The following NOL4 variants were observed in gnomAD, a reference collection of about 807,000 sequenced individuals.
NOL4 encodes cancer/testis antigen 125.
Under a neutral mutation model 75.9 loss-of-function variants are expected in NOL4, and 17 were observed. The observed-to-expected ratio is 0.22, with a 90% CI of 0.15 to 0.34. The LOEUF is 0.34. Among genes scored for constraint, NOL4 ranks in the 10% least tolerant of loss-of-function variants. NOL4 has a pLI of 1.00. For synonymous variants in NOL4, 292 were observed against 289.9 expected (o/e 1.01, Z -0.07); for missense variants, 614 against 793.5 (o/e 0.77, Z 2.72).
At chr18:34,172,275 C>T (rs1274505549) in intron 1 of NOL4, among the ~76,000 whole-genome samples, 3 of 152,012 alleles carry the variant, frequency 2.0e-5, no homozygotes, top group African/African-American at 4.8e-5. Context: ...AATCTTTTGA[C>T]TAATATAACT....
chr18:34,051,040 T>C (rs1326609331), intron 5 of NOL4, among the ~76,000 whole-genome samples: 2 of 152,030 alleles, frequency 1.3e-5, no homozygotes, highest in African/African-American at 4.8e-5. Flanking sequence ...ATGGACATAA[T>C]AAGAGTATCT....
In NOL4 at chr18:34,012,982, AC is replaced by A. The variant is rs542723373; in HGVS notation, c.1056+6335del. On this transcript the variant is annotated intron_variant, in intron 6 of 10. Transcript: ENST00000261592. The stretch of plus-strand genomic sequence containing the variant: ...CAGAGGCAGGTGACCTGGGTTAAAT[AC>A]CAGGCTTTATCACTTATCTGATTGT... Among the ~76,000 whole-genome samples, 22 of 152,074 alleles carry A rather than the reference AC, an allele frequency of 1.4e-4. 1 individual carries two copies. In the South Asian group the frequency reaches 3.3e-3, roughly 23 times the overall value.
chr18:33,871,579 C>T (rs908866323), intron 10 of NOL4, among the ~76,000 whole-genome samples: 5 of 151,924 alleles, frequency 3.3e-5, no homozygotes, highest in South Asian at 2.1e-4. Flanking sequence ...CCAAGCCAAC[C>T]GTAATGAGCC....
At chr18:33,866,414 T>C (rs2063431207) in intron 10 of NOL4, among the ~76,000 whole-genome samples, 1 of 152,170 alleles carries the variant, frequency 6.6e-6, no homozygotes, top group South Asian at 2.1e-4. Context: ...ACAGAAAAAT[T>C]GCTGTTGAAC....
intron 1 of NOL4, chr18:34,222,169 T>C (rs942170099): frequency 5.4e-6 from 8 of 1,492,060 alleles, no homozygotes; most frequent in Non-Finnish European, 7.1e-6. Context: ...CATTGGGCTC[T>C]CAATGCCAGT....
intron 6 of NOL4, among the ~76,000 whole-genome samples, chr18:34,000,881 A>C (rs1396191457): frequency 6.6e-6 from 1 of 152,152 alleles, no homozygotes; most frequent in Non-Finnish European, 1.5e-5. Context: ...TATAACAAAG[A>C]AGTTATTAAC....
chr18:33,861,947 A>G (rs997291050), intron 10 of NOL4, among the ~76,000 whole-genome samples: 1 of 152,302 alleles, frequency 6.6e-6, no homozygotes, highest in African/African-American at 2.4e-5. Flanking sequence ...ACCAAAAAAG[A>G]GCCCACATCG....
intron 1 of NOL4, among the ~76,000 whole-genome samples, chr18:34,203,269 G>A (rs1455668451): frequency 6.6e-6 from 1 of 151,980 alleles, no homozygotes; most frequent in Non-Finnish European, 1.5e-5. Flanking sequence ...AGGAACAGGG[G>A]TCATGGCAGG....
chr18:33,868,900 A>C (rs970706724), intron 10 of NOL4, among the ~76,000 whole-genome samples: 9 of 152,050 alleles, frequency 5.9e-5, no homozygotes, highest in African/African-American at 2.4e-5. Context: ...TATTATAAAA[A>C]TCCAATACAA....
chr18:34,194,426 G>GGGAAGGCAGGAA (rs1555754887), intron 1 of NOL4, among the ~76,000 whole-genome samples: 1 of 127,996 alleles, frequency 7.8e-6, no homozygotes, highest in Non-Finnish European at 1.6e-5. Flanking sequence ...GAGGGAGGGA[G>GGGAAGGCAGGAA]GGAAGGAAGG....
chr18:34,148,225 C>G (rs1039020091), intron 1 of NOL4, among the ~76,000 whole-genome samples: 1 of 152,034 alleles, frequency 6.6e-6, no homozygotes, highest in Non-Finnish European at 1.5e-5. Flanking sequence ...CAGTTCTGCT[C>G]TGATCTTTGT....
intron 1 of NOL4, among the ~76,000 whole-genome samples, chr18:34,162,259 G>C (rs904800110): frequency 6.6e-6 from 1 of 152,082 alleles, no homozygotes; most frequent in Non-Finnish European, 1.5e-5. Context: ...GAAGGAAATA[G>C]AGACACAAAA....
intron 5 of NOL4, among the ~76,000 whole-genome samples, chr18:34,044,192 C>CA (rs1348837527): frequency 6.6e-6 from 1 of 151,922 alleles, no homozygotes; most frequent in East Asian, 1.9e-4. Context: ...AAGTACCAAA[C>CA]AACTGTTAAT....
intron 9 of NOL4, among the ~76,000 whole-genome samples, chr18:33,932,615 T>C (rs543737597): frequency 6.6e-6 from 1 of 152,224 alleles, no homozygotes; most frequent in East Asian, 1.9e-4. Context: ...AATGAGGTGG[T>C]GGAATTACTA....
chr18:33,853,567 G>A (rs2062712487), intron 10 of NOL4, among the ~76,000 whole-genome samples: 1 of 152,014 alleles, frequency 6.6e-6, no homozygotes, highest in African/African-American at 2.4e-5. Flanking sequence ...CGTTTAAGTG[G>A]CACAACCAGG....
intron 6 of NOL4, among the ~76,000 whole-genome samples, chr18:33,991,503 T>C (rs2072913616): frequency 6.6e-6 from 1 of 152,050 alleles, no homozygotes; most frequent in South Asian, 2.1e-4. Flanking sequence ...TCCTATCTTA[T>C]TATTTTTACA....
chr18:33,890,188 G>C (rs1403114459), intron 9 of NOL4, among the ~76,000 whole-genome samples: 1 of 152,144 alleles, frequency 6.6e-6, no homozygotes, highest in Non-Finnish European at 1.5e-5. Context: ...CTTCAGCAAA[G>C]TCTCAGATAC....
chr18:33,917,941 T>G (rs989292682), intron 9 of NOL4, among the ~76,000 whole-genome samples: 1 of 152,224 alleles, frequency 6.6e-6, no homozygotes, highest in Non-Finnish European at 1.5e-5. Flanking sequence ...AACTGTGGGT[T>G]TTCAGAACAC....
chr18:33,884,936 T>C (rs1412995796), intron 9 of NOL4, among the ~76,000 whole-genome samples: 2 of 152,108 alleles, frequency 1.3e-5, no homozygotes, highest in Non-Finnish European at 2.9e-5. Context: ...GAATCAAATC[T>C]AACTGACCCA....
Sources: gnomAD v4.1 joint callset for allele counts (sites outside exome capture counted in the v4.1 genomes callset) on GRCh38, gnomAD v4.1.1 for gene constraint, MANE v1.5 for transcripts, NCBI Gene and HGNC (gene_info 2026-07-23, HGNC 2026-07-21) for gene names.